SLCO3A1: variants seen among roughly 807,000 people sequenced by gnomAD.
SLCO3A1 encodes PGE1 transporter.
A neutral mutation model predicts 63.1 loss-of-function variants in SLCO3A1; 27 were observed. The observed-to-expected ratio is 0.43, with a 90% CI of 0.32 to 0.59. SLCO3A1 has a LOEUF of 0.59. Among genes scored for constraint, SLCO3A1 ranks in the 20% least tolerant of loss-of-function variants. The probability of loss-of-function intolerance (pLI) is 0.09; values close to 1 mark genes in which losing one functional copy is unlikely to be tolerated. For synonymous variants in SLCO3A1, 473 were observed against 409.9 expected, an observed-to-expected ratio of 1.15 and a Z score of -1.86; for missense variants, 773 against 945.8, an observed-to-expected ratio of 0.82 and a Z score of 2.40.
At chr15:92,119,125 C>G (rs960672575) in intron 4 of SLCO3A1, among the ~76,000 whole-genome samples, 2 of 152,134 alleles carry the variant, frequency 1.3e-5, no homozygotes, top group Non-Finnish European at 2.9e-5. Flanking sequence ...CCCCAGAGCT[C>G]TCTTGTACAC....
intron 2 of SLCO3A1, among the ~76,000 whole-genome samples, chr15:92,062,243 G>T (rs540301207): frequency 6.6e-6 from 1 of 151,814 alleles, no homozygotes; most frequent in African/African-American, 2.4e-5. Context: ...TTTGCAAAAT[G>T]AGTGAGTAAG....
At chr15:92,156,832 A>T (rs1165049978) in intron 9 of SLCO3A1, among the ~76,000 whole-genome samples, 2 of 152,242 alleles carry the variant, frequency 1.3e-5, no homozygotes, top group African/African-American at 4.8e-5. Context: ...CGTAATTTTC[A>T]GCTTCCATTT....
intron 3 of SLCO3A1, among the ~76,000 whole-genome samples, chr15:92,101,841 A>G (rs2047608821): frequency 6.6e-6 from 1 of 152,112 alleles, no homozygotes. Flanking sequence ...TGGTTCTGAC[A>G]CAGGTGACGT....
chr15:92,106,921 A>G (rs2047674432), intron 4 of SLCO3A1, among the ~76,000 whole-genome samples: 1 of 152,208 alleles, frequency 6.6e-6, no homozygotes, highest in South Asian at 2.1e-4. Context: ...TCAGTCGCTC[A>G]TTAACTCATT....
chr15:91,944,313 A>G (rs1396674071), intron 2 of SLCO3A1, among the ~76,000 whole-genome samples: 4 of 152,076 alleles, frequency 2.6e-5, no homozygotes, highest in Admixed American at 2.0e-4. Context: ...TGAGCCCCTT[A>G]CAGATTCAGT....
intron 7 of SLCO3A1, among the ~76,000 whole-genome samples, chr15:92,142,781 C>G (rs936097482): frequency 6.6e-6 from 1 of 152,096 alleles, no homozygotes; most frequent in Non-Finnish European, 1.5e-5. Flanking sequence ...TCATTTTATC[C>G]CATTCCATGA....
intron 2 of SLCO3A1, among the ~76,000 whole-genome samples, chr15:92,078,362 T>C (rs2047303862): frequency 6.6e-6 from 1 of 152,168 alleles, no homozygotes; most frequent in Non-Finnish European, 1.5e-5. Context: ...CAGCACTCCA[T>C]AGCAGGTGTC....
In SLCO3A1 at chr15:91,887,947, T is replaced by C. The variant is rs570327509; in HGVS notation, c.181-28046T>C. Among the ~76,000 whole-genome samples, 13 of 152,338 alleles carry C rather than the reference T, an allele frequency of 8.5e-5. No homozygotes were observed. The East Asian group carries it at 2.5e-3, about 29-fold the overall frequency. On this transcript the variant is annotated intron_variant, in intron 1 of 9. Coordinates refer to ENST00000318445, the MANE Select transcript of SLCO3A1 (RefSeq NM_013272.4). ...TTCAGATCTTACACACTGTATGTGC[T>C]GAGTACATAATTAGTTTTCTCAGGC...
intron 2 of SLCO3A1, among the ~76,000 whole-genome samples, chr15:92,017,014 C>T (rs2046445640): frequency 6.6e-6 from 1 of 152,124 alleles, no homozygotes; most frequent in Admixed American, 6.5e-5. Context: ...TACAGAGGAT[C>T]AGCTACTCAA....
In SLCO3A1 at chr15:91,916,037, C is replaced by T. The variant is rs766104368; in HGVS notation, c.225C>T (p.Ser75=). 1.2e-6 allele frequency: 2 copies of T among 1,613,354 alleles called. No individual in the cohort carries two copies. The highest frequency in any genetic ancestry group is 2.2e-5 in the East Asian group (1 of 44,866). The change falls in exon 2 of 10, where the codon AGC becomes AGT. Residue 75 remains serine (S), a synonymous_variant. Coordinates refer to ENST00000318445, the MANE Select transcript of SLCO3A1 (RefSeq NM_013272.4). This position sits in a 1 kb window ranked among gnomAD's most constrained non-coding sequence, Gnocchi z 6.2. The stretch of plus-strand genomic sequence containing the variant: ...TGGAGCGTAGGTTCAACCTGCAGAG[C>T]GCTGACGTGGGTGTGATCGCTAGCA... ...TTLERRFNLQ[S]ADVGVIASSF... is the part of the protein sequence containing the mutation.
chr15:92,098,376 T>G (rs1188556793), intron 3 of SLCO3A1, among the ~76,000 whole-genome samples: 2 of 152,250 alleles, frequency 1.3e-5, no homozygotes, highest in African/African-American at 2.4e-5. Context: ...CCATGTTTGA[T>G]CGCTACGTGG....
chr15:92,014,290 C>T (rs1028316666), intron 2 of SLCO3A1, among the ~76,000 whole-genome samples: 1 of 152,118 alleles, frequency 6.6e-6, no homozygotes. Flanking sequence ...AGTGCAACTC[C>T]GGTTCAAGCC....
intron 7 of SLCO3A1, among the ~76,000 whole-genome samples, chr15:92,129,527 T>C (rs969365579): frequency 6.6e-6 from 1 of 152,200 alleles, no homozygotes; most frequent in African/African-American, 2.4e-5. Context: ...CCTAAAGACA[T>C]TGTTCTCACT....
rs1392028502 is a variant in SLCO3A1 at position 91,900,537 on chromosome 15, C to T, written c.181-15456C>T. ...TAGAGACGGGTTTCACCATGTTGGCCAGGCTTGTCTCAAACTGCTGACCTC... is the reference window on the plus strand; with the variant it reads ...TAGAGACGGGTTTCACCATGTTGGCTAGGCTTGTCTCAAACTGCTGACCTC... On this transcript the variant is annotated intron_variant, in intron 1 of 9. Transcript: ENST00000318445. The surrounding 1 kb of genome is among the most constrained non-coding windows in gnomAD (Gnocchi z 4.3). Among the ~76,000 whole-genome samples, 3 of 152,168 alleles carry T rather than the reference C, an allele frequency of 2.0e-5. No individual in the cohort carries two copies. The highest frequency in any genetic ancestry group is 7.2e-5 in the African/African-American group (3 of 41,444).
At chr15:92,069,861 C>T (rs1430798613) in intron 2 of SLCO3A1, among the ~76,000 whole-genome samples, 1 of 152,174 alleles carries the variant, frequency 6.6e-6, no homozygotes, top group Non-Finnish European at 1.5e-5. Context: ...TGGTTCCTTT[C>T]TTGCCTCTCC....
chr15:92,111,648 G>A (rs1275764860), intron 4 of SLCO3A1, among the ~76,000 whole-genome samples: 3 of 152,132 alleles, frequency 2.0e-5, no homozygotes, highest in Admixed American at 2.0e-4. Flanking sequence ...AGCACCGGAG[G>A]GATAGGTCCA....
intron 2 of SLCO3A1, among the ~76,000 whole-genome samples, chr15:92,028,879 T>A (rs1250362288): frequency 7.4e-6 from 1 of 134,724 alleles, no homozygotes; most frequent in Admixed American, 8.0e-5. Context: ...TTAGGAGATC[T>A]TGACGTTCTT....
intron 2 of SLCO3A1, among the ~76,000 whole-genome samples, chr15:91,922,052 A>G (rs1898865804): frequency 1.3e-5 from 2 of 152,138 alleles, no homozygotes; most frequent in Admixed American, 6.5e-5. Context: ...CTCCAGTTTT[A>G]TATGTGCTCA....
At chr15:91,974,398 T>A (rs1272262699) in intron 2 of SLCO3A1, among the ~76,000 whole-genome samples, 1 of 151,930 alleles carries the variant, frequency 6.6e-6, no homozygotes, top group African/African-American at 2.4e-5. Context: ...AATTCCTGTA[T>A]TGAGAGTATT....
Sources: allele counts gnomAD v4.1 joint callset (sites outside exome capture counted in the v4.1 genomes callset), GRCh38; gene constraint gnomAD v4.1.1; non-coding constraint Gnocchi (gnomAD v3.1); transcripts MANE v1.5; gene names NCBI Gene and HGNC (gene_info 2026-07-23, HGNC 2026-07-21).